The following AP5Z1 variants were observed in gnomAD, a reference collection of about 807,000 sequenced individuals.
AP5Z1 encodes the protein AP-5 complex subunit zeta-1.
AP5Z1 carries 106 observed loss-of-function variants against 83.0 expected under a neutral mutation model. The ratio of observed to expected loss-of-function variants is 1.28; its 90% CI spans 1.09 to 1.50. The LOEUF is 1.50. AP5Z1 is among the 40% of genes most tolerant of loss of function. The probability of loss-of-function intolerance (pLI) is 0.00; values close to 1 mark genes in which losing one functional copy is unlikely to be tolerated. For synonymous variants in AP5Z1, 751 were observed against 514.1 expected, an observed-to-expected ratio of 1.46 and a Z score of -6.23; for missense variants, 1,565 against 1,094.2, an observed-to-expected ratio of 1.43 and a Z score of -6.07.
Position 4,775,661 on chromosome 7 carries a change from G to C in AP5Z1, c.-55G>C, listed in dbSNP as rs966425629. 1.2e-6 allele frequency: 2 copies of C among 1,602,642 alleles called. No individual in the cohort carries two copies. Among genetic ancestry groups the C allele is most frequent in the East Asian group, 4.5e-5 (2 of 44,754 alleles). ...AAGTTGACCGGGGTGCGGAGCTCCT[G>C]GGCTGCAGCTCCTGGAGTTTCCGAG... On this transcript the variant is annotated 5_prime_UTR_variant, in exon 1 of 17. Coordinates refer to ENST00000649063, the MANE Select transcript of AP5Z1 (RefSeq NM_014855.3).
At chr7:4,790,412 G>A (rs1781723368) in intron 14 of AP5Z1, 47 bp from the exon 15 acceptor site, 2 of 1,612,098 alleles carry the variant, frequency 1.2e-6, no homozygotes, top group Non-Finnish European at 8.5e-7. Flanking sequence ...ATGGGGATGG[G>A]GTCATAGGTC....
At chr7:4,783,147 G>A (rs79764270) in intron 3 of AP5Z1, among the ~76,000 whole-genome samples, 169 bp from the exon 4 acceptor site, 1 of 152,214 alleles carries the variant, frequency 6.6e-6, no homozygotes, top group Non-Finnish European at 1.5e-5. Flanking sequence ...AGGCGGAGCA[G>A]GCACCTTGTG....
intron 3 of AP5Z1, 64 bp from the exon 4 acceptor site, chr7:4,783,252 G>T: frequency 6.7e-7 from 1 of 1,498,048 alleles, no homozygotes; most frequent in Non-Finnish European, 9.0e-7. Flanking sequence ...ACAGACTTCC[G>T]AAATGGGGGA....
chr7:4,788,820 C>A lies in AP5Z1; in HGVS notation c.1596-20C>A, dbSNP rs772031610. 9 of 1,581,528 alleles carry A rather than the reference C, an allele frequency of 5.7e-6. No individual in the cohort carries two copies. Among genetic ancestry groups the A allele is most frequent in the Non-Finnish European group, 7.7e-6 (9 of 1,164,440 alleles). On this transcript the variant is annotated intron_variant, in intron 12 of 16. Coordinates refer to ENST00000649063, the MANE Select transcript of AP5Z1 (RefSeq NM_014855.3). The stretch of plus-strand genomic sequence containing the variant: ...CAGGTCGGGGAGCGGGCAGCACTCA[C>A]GGCCACACTGTGTCCTCAGGTTGGC...
At position 4,791,119 on chromosome 7, in the gene AP5Z1, T is replaced by A; in HGVS notation, c.2158T>A (p.Ser720Thr). The change falls in exon 17 of 17, where the codon TCT becomes ACT. Residue 720 changes from serine (S) to threonine (T), a missense_variant. Ser to Thr is a moderately conservative substitution (Grantham distance 58). Coordinates refer to ENST00000649063, the MANE Select transcript of AP5Z1 (RefSeq NM_014855.3). ...SRSQDLIPRA[S>T]LLLSKMRTLA... ...GGAGGGACCTTCTTTCCCCAGGGCC[T>A]CTTTATTGCTGTCAAAGATGAGGAC... The A allele has an allele frequency of 6.3e-7, 1 of 1,590,948 alleles. No homozygotes were observed. Among genetic ancestry groups the A allele is most frequent in the Non-Finnish European group, 8.6e-7 (1 of 1,167,124 alleles).
At chr7:4,783,030 G>A (rs1013153233) in intron 3 of AP5Z1, among the ~76,000 whole-genome samples, 6 of 152,228 alleles carry the variant, frequency 3.9e-5, no homozygotes, top group African/African-American at 7.2e-5. Flanking sequence ...CTGTGTCTGC[G>A]GCCAGGGCCA....
chr7:4,775,855 C>A, intron 1 of AP5Z1, 99 bp downstream of exon 1: 1 of 1,495,060 alleles, frequency 6.7e-7, no homozygotes, highest in Non-Finnish European at 9.0e-7. Flanking sequence ...GCCAGCCTTG[C>A]AGGAACCCGA....
chr7:4,783,605 C>G, intron 4 of AP5Z1, 84 bp from the exon 5 acceptor site: 1 of 1,515,152 alleles, frequency 6.6e-7, no homozygotes, highest in Non-Finnish European at 8.9e-7. Flanking sequence ...ATTCTGTTTT[C>G]TGAGAAAAGT....
intron 13 of AP5Z1, among the ~76,000 whole-genome samples, chr7:4,789,463 C>T (rs1387610927): frequency 2.6e-5 from 4 of 152,246 alleles, no homozygotes; most frequent in Non-Finnish European, 5.9e-5. Flanking sequence ...TGCTTCCCAC[C>T]TCGGGGAGCT....
intron 1 of AP5Z1, among the ~76,000 whole-genome samples, chr7:4,776,486 G>A (rs767107556): frequency 4.0e-5 from 6 of 151,440 alleles, no homozygotes; most frequent in Admixed American, 6.6e-5. Context: ...GGAGGCCAAG[G>A]CAGGCGGATC....
Position 4,785,763 on chromosome 7 carries a change from T to G in AP5Z1, c.1132+79T>G, listed in dbSNP as rs1237801745. The G allele has an allele frequency of 1.5e-5, 12 of 792,060 alleles. No homozygotes were observed. The African/African-American group carries it at 1.8e-4, about 12-fold the overall frequency. The allele number at this position is 792,060 out of a possible 1,614,324, so 49.1% of individuals were successfully genotyped here. ...TTAGGATGGAATTTCTTCTTCCCTTTTTTTTTTTTTTTTTTTTGATTGAAT... is the reference window on the plus strand; with the variant it reads ...TTAGGATGGAATTTCTTCTTCCCTTGTTTTTTTTTTTTTTTTTGATTGAAT... On this transcript the variant is annotated intron_variant, in intron 9 of 16. Transcript: ENST00000649063.
intron 1 of AP5Z1, among the ~76,000 whole-genome samples, chr7:4,779,702 A>C (rs1275042315): frequency 6.6e-6 from 1 of 151,590 alleles, no homozygotes; most frequent in Non-Finnish European, 1.5e-5. Context: ...GTGCAATGGC[A>C]TGATCTCAGC....
chr7:4,781,669 C>G lies in AP5Z1; in HGVS notation c.281C>G (p.Ser94Cys), dbSNP rs11549839. The G allele has an allele frequency of 0.021, 33,311 of 1,602,760 alleles. 454 individuals carry two copies. The highest frequency in any genetic ancestry group is 0.049 in the Middle Eastern group (293 of 6,030). The change falls in exon 3 of 17, where the codon TCC (serine) becomes TGC (cysteine). Residue 94 changes from serine (S) to cysteine (C), a missense_variant. Transcript: ENST00000649063. ...VLCAAILREMSPSDSLSLAWD... is the reference protein window; with the variant it reads ...VLCAAILREMCPSDSLSLAWD... ...TGCGCCGCCATCCTGCGAGAGATGT[C>G]CCCCTCTGACAGCCTCAGCCTGGCC...
At chr7:4,781,407 G>T (rs1781377800) in intron 2 of AP5Z1, 95 bp downstream of exon 2, 2 of 1,583,082 alleles carry the variant, frequency 1.3e-6, no homozygotes, top group East Asian at 2.2e-5. Context: ...CTCCTTGGGG[G>T]TTGAGTCATT....
At chr7:4,790,271 C>G in intron 14 of AP5Z1, 188 bp from the exon 15 acceptor site, 1 of 1,543,768 alleles carries the variant, frequency 6.5e-7, no homozygotes, top group Non-Finnish European at 8.7e-7. Flanking sequence ...GAGGCCAGCG[C>G]TGGTGCCAGC....
rs1397500012 is a variant in AP5Z1, at chr7:4,785,116, G to A, written c.931+68G>A. 6 of 1,527,360 alleles carry A rather than the reference G, an allele frequency of 3.9e-6. No individual in the cohort carries two copies. The African/African-American group carries it at 4.1e-5, about 11-fold the overall frequency. The allele number at this position is 1,527,360 out of a possible 1,614,324, so 94.6% of individuals were successfully genotyped here. ...GCACCTGCTCTGCAAGGCCACCTGA[G>A]GCCAGCACAGCTTCCCTGAGCTACT... On this transcript the variant is annotated intron_variant, in intron 7 of 16. Transcript: ENST00000649063.
intron 3 of AP5Z1, among the ~76,000 whole-genome samples, chr7:4,782,326 A>G (rs1249283331): frequency 6.6e-6 from 1 of 152,108 alleles, no homozygotes; most frequent in African/African-American, 2.4e-5. Flanking sequence ...GTTTTTGCCA[A>G]GTCCATGTCC....
chr7:4,786,533 G>A, intron 10 of AP5Z1, 105 bp downstream of exon 10: 1 of 1,323,054 alleles, frequency 7.6e-7, no homozygotes, highest in East Asian at 2.3e-5. Flanking sequence ...TGAGCATAGA[G>A]CCCTGTGAGT....
Position 4,788,652 on chromosome 7 carries a change from C to T in AP5Z1, c.1596-188C>T, listed in dbSNP as rs1781638648. On this transcript the variant is annotated intron_variant, in intron 12 of 16. Coordinates refer to ENST00000649063, the MANE Select transcript of AP5Z1 (RefSeq NM_014855.3). ...CCCACGCCAGCCTTTGTCCCGATGG[C>T]TTTACTGTCCCGGGTGTGCTGACGC... 1.1e-5 allele frequency: 6 copies of T among 556,830 alleles called. No homozygotes were observed. The East Asian group carries it at 1.2e-4, about 12-fold the overall frequency. 34.5% of individuals were successfully genotyped at this position (556,830 alleles called of 1,614,324 possible).
Sources: gnomAD v4.1 joint callset for allele counts (sites outside exome capture counted in the v4.1 genomes callset) on GRCh38, gnomAD v4.1.1 for gene constraint, MANE v1.5 for transcripts, NCBI Gene and HGNC (gene_info 2026-07-23, HGNC 2026-07-21) for gene names.